Variants in PPARD observed in about 807,000 individuals in gnomAD.
PPARD encodes the protein peroxisome proliferator-activated receptor delta.
In PPARD, 6 loss-of-function variants were observed where a neutral mutation model predicts 39.5. That is an observed-to-expected ratio of 0.15 (90% confidence interval 0.08 to 0.30). The LOEUF is 0.30. Among genes scored for constraint, PPARD ranks in the 10% least tolerant of loss-of-function variants. The probability of loss-of-function intolerance (pLI) is 1.00; values close to 1 mark genes in which losing one functional copy is unlikely to be tolerated. For synonymous variants in PPARD, 210 were observed against 231.3 expected (o/e 0.91, Z 0.83); for missense variants, 397 against 596.8 (o/e 0.67, Z 3.49).
intron 3 of PPARD, among the ~76,000 whole-genome samples, chr6:35,413,787 G>A (rs188965245): frequency 3.6e-4 from 55 of 151,816 alleles, no homozygotes; most frequent in Non-Finnish European, 4.7e-4. Flanking sequence ...GGGCTCAAGC[G>A]ATTCTCCTGC....
chr6:35,374,831 C>T (rs1434200594), intron 2 of PPARD, among the ~76,000 whole-genome samples: 1 of 152,118 alleles, frequency 6.6e-6, no homozygotes, highest in African/African-American at 2.4e-5. Context: ...TTCCCACAAT[C>T]CCCACCTTAA....
chr6:35,405,733 G>A (rs1765006840), intron 2 of PPARD, among the ~76,000 whole-genome samples: 1 of 152,084 alleles, frequency 6.6e-6, no homozygotes, highest in Admixed American at 6.5e-5. Flanking sequence ...AGGTTCAGGC[G>A]ATTCTCGTGC....
chr6:35,357,685 C>T (rs531103479), intron 2 of PPARD, among the ~76,000 whole-genome samples: 2 of 152,188 alleles, frequency 1.3e-5, no homozygotes, highest in South Asian at 2.1e-4. Context: ...TACAGGCATG[C>T]GCCACCTCAC....
At chr6:35,374,489 CT>C (rs1372383140) in intron 2 of PPARD, among the ~76,000 whole-genome samples, 1 of 151,580 alleles carries the variant, frequency 6.6e-6, no homozygotes, top group Non-Finnish European at 1.5e-5. Context: ...AACCCCATCT[CT>C]ACTAAAAAAT....
In PPARD at chr6:35,425,919, AC is replaced by A; in HGVS notation, c.1169del (p.Pro390LeufsTer27). 1.2e-6 allele frequency: 2 copies of A among 1,613,992 alleles called. No individual in the cohort carries two copies. Among genetic ancestry groups the A allele is most frequent in the Non-Finnish European group, 1.7e-6 (2 of 1,179,976 alleles). On this transcript the variant is annotated frameshift_variant, in exon 8 of 8. Transcript: ENST00000360694. LOFTEE classifies it high-confidence loss of function. This position sits in a 1 kb window ranked among gnomAD's most constrained non-coding sequence, Gnocchi z 4.5. Reference sequence around the variant, plus strand: ...CTCGAATTCCACCTGCAGGCCAACCACCCTGATGCCCAGTACCTCTTCCCCA... The same window carrying A: ...CTCGAATTCCACCTGCAGGCCAACCACCTGATGCCCAGTACCTCTTCCCCA... ...RALEFHLQAN[H>X]PDAQYLFPKL...
intron 2 of PPARD, among the ~76,000 whole-genome samples, chr6:35,389,438 A>G (rs1763881650): frequency 6.6e-6 from 1 of 152,124 alleles, no homozygotes; most frequent in South Asian, 2.1e-4. Context: ...CAGCCTCTCG[A>G]GTAGCTGGGA....
chr6:35,379,730 C>T lies in PPARD; in HGVS notation c.-101-31257C>T, dbSNP rs144202192. 6.2e-3 allele frequency among the ~76,000 whole-genome samples: 950 copies of T among 152,296 alleles called. 3 individuals carry two copies. The highest frequency in any genetic ancestry group is 0.017 in the Middle Eastern group (5 of 294). On this transcript the variant is annotated intron_variant, in intron 2 of 7. Coordinates refer to ENST00000360694, the MANE Select transcript of PPARD (RefSeq NM_006238.5). ...TTCTCTTTCTGAGGCTTGGACTATT[C>T]GTTTGTTTTTTCTCAGATGACTTGC...
rs201961545 is a variant in PPARD, at chr6:35,425,987, G to A, written c.1234G>A (p.Glu412Lys). 10 of 1,614,132 alleles carry A rather than the reference G, an allele frequency of 6.2e-6. No homozygotes were observed. Among genetic ancestry groups the A allele is most frequent in the South Asian group, 3.3e-5 (3 of 91,084 alleles). The part of the protein sequence containing the change: ...KMADLRQLVT[E>K]HAQMMQRIKK... Reference sequence around the variant, plus strand: ...GGCTGACCTGCGGCAACTGGTCACCGAGCACGCCCAGATGATGCAGCGGAT... The same window carrying A: ...GGCTGACCTGCGGCAACTGGTCACCAAGCACGCCCAGATGATGCAGCGGAT... Residue 412 changes from glutamate (E) to lysine (K), a missense_variant, in exon 8 of 8, where the codon GAG becomes AAG. Transcript: ENST00000360694. The surrounding 1 kb of genome is among the most constrained non-coding windows in gnomAD (Gnocchi z 4.5).
chr6:35,413,935 T>A (rs1036075598), intron 3 of PPARD, among the ~76,000 whole-genome samples: 10 of 152,100 alleles, frequency 6.6e-5, no homozygotes, highest in African/African-American at 2.4e-4. Flanking sequence ...CGCCTCGGCC[T>A]CCCAAAGTGT....
At chr6:35,372,906 A>G (rs898899084) in intron 2 of PPARD, among the ~76,000 whole-genome samples, 3 of 152,198 alleles carry the variant, frequency 2.0e-5, no homozygotes, top group Non-Finnish European at 4.4e-5. Context: ...TGCTATAACA[A>G]AATTCCTGAG....
At chr6:35,390,342 A>T (rs1263056423) in intron 2 of PPARD, among the ~76,000 whole-genome samples, 1 of 152,174 alleles carries the variant, frequency 6.6e-6, no homozygotes, top group Non-Finnish European at 1.5e-5. Flanking sequence ...ATAGGGGTCT[A>T]GGTCAGTGCT....
At chr6:35,419,149 T>G (rs1269511155) in intron 3 of PPARD, among the ~76,000 whole-genome samples, 1 of 152,162 alleles carries the variant, frequency 6.6e-6, no homozygotes, top group African/African-American at 2.4e-5. Flanking sequence ...GTTTGGAGGT[T>G]TGGCACCTGC....
intron 3 of PPARD, 115 bp from the exon 4 acceptor site, chr6:35,420,012 T>G: frequency 7.8e-7 from 1 of 1,278,012 alleles, no homozygotes; most frequent in Non-Finnish European, 1.1e-6. Context: ...AAAGGTTGAC[T>G]CCCTGAGGCC....
At chr6:35,418,358 C>T (rs907409499) in intron 3 of PPARD, among the ~76,000 whole-genome samples, 41 of 152,234 alleles carry the variant, frequency 2.7e-4, no homozygotes, top group Admixed American at 6.5e-4. Flanking sequence ...CCAGGAGTGG[C>T]AGGTCCTGCC....
intron 2 of PPARD, among the ~76,000 whole-genome samples, chr6:35,370,552 C>T (rs116438212): frequency 1.8e-3 from 270 of 152,304 alleles, no homozygotes; most frequent in African/African-American, 6.1e-3. Context: ...GTGGTGGGCA[C>T]CCACATGGCT....
intron 2 of PPARD, among the ~76,000 whole-genome samples, chr6:35,393,991 T>G (rs1281117819): frequency 6.6e-6 from 1 of 152,214 alleles, no homozygotes; most frequent in Non-Finnish European, 1.5e-5. Flanking sequence ...TCGAGTGAGA[T>G]CCATTTACAA....
At chr6:35,384,212 G>T (rs1250775795) in intron 2 of PPARD, among the ~76,000 whole-genome samples, 34 of 141,884 alleles carry the variant, frequency 2.4e-4, no homozygotes, top group African/African-American at 7.9e-4. Flanking sequence ...CGGGAGGGAG[G>T]TGGGGGGGTC....
chr6:35,376,966 G>A (rs1430219886), intron 2 of PPARD, among the ~76,000 whole-genome samples: 1 of 150,578 alleles, frequency 6.6e-6, no homozygotes, highest in Non-Finnish European at 1.5e-5. Flanking sequence ...CTTGCAGTGA[G>A]CTGAGATCAC....
chr6:35,390,168 G>A (rs1763928099), intron 2 of PPARD, among the ~76,000 whole-genome samples: 1 of 152,164 alleles, frequency 6.6e-6, no homozygotes, highest in Non-Finnish European at 1.5e-5. Context: ...GGCCCAGCTA[G>A]AAGAAAGGGC....
Sources: allele counts gnomAD v4.1 joint callset (sites outside exome capture counted in the v4.1 genomes callset), GRCh38; gene constraint gnomAD v4.1.1; non-coding constraint Gnocchi (gnomAD v3.1); transcripts MANE v1.5; gene names NCBI Gene and HGNC (gene_info 2026-07-23, HGNC 2026-07-21).